The following NKAIN2 variants were observed in gnomAD, a reference collection of about 807,000 sequenced individuals.
NKAIN2 encodes the protein sodium/potassium-transporting ATPase subunit beta-1-interacting protein 2.
In NKAIN2, 14 loss-of-function variants were observed where a neutral mutation model predicts 32.6. The observed-to-expected ratio is 0.43, with a 90% CI of 0.28 to 0.67. NKAIN2 has a LOEUF of 0.67. NKAIN2 is among the 30% of genes least tolerant of loss of function. The pLI is 0.17. For missense variants in NKAIN2, 198 were observed against 258.3 expected (o/e 0.77, Z 1.60); for synonymous variants, 80 against 87.2 (o/e 0.92, Z 0.46).
rs1353950510 is a variant in NKAIN2, at chr6:123,921,816, C to T, written c.54+117562C>T. On this transcript the variant is annotated intron_variant, in intron 1 of 6. Coordinates refer to ENST00000368417, the MANE Select transcript of NKAIN2 (RefSeq NM_001040214.3). The stretch of plus-strand genomic sequence containing the variant: ...ATTATTTTGTGTTTTAAAAATTTGC[C>T]GCTACTCAGGAGGCTGAGGCAGGAG... Among the ~76,000 whole-genome samples, 5 of 151,802 alleles carry T rather than the reference C, an allele frequency of 3.3e-5. 1 individual carries two copies. Among genetic ancestry groups the T allele is most frequent in the Non-Finnish European group, 7.4e-5 (5 of 67,960 alleles).
chr6:124,541,660 T>A lies in NKAIN2; in HGVS notation c.274-116526T>A, dbSNP rs1037337382. ...CATCCTCAATTAGGGAAAGATTAGG[T>A]CATGTTTTTAAAACACCCACCAATA... On this transcript the variant is annotated intron_variant, in intron 3 of 6. Transcript: ENST00000368417. Among the ~76,000 whole-genome samples, 3 of 152,122 alleles carry A rather than the reference T, an allele frequency of 2.0e-5. No homozygotes were observed. In the South Asian group the frequency reaches 6.2e-4, roughly 32 times the overall value.
intron 1 of NKAIN2, among the ~76,000 whole-genome samples, chr6:124,197,093 A>G (rs970181698): frequency 6.6e-6 from 1 of 151,436 alleles, no homozygotes; most frequent in Non-Finnish European, 1.5e-5. Flanking sequence ...ATATATATTT[A>G]TATAGTTTTT....
chr6:124,214,086 C>G (rs1435392475), intron 1 of NKAIN2, among the ~76,000 whole-genome samples: 2 of 152,112 alleles, frequency 1.3e-5, no homozygotes, highest in Non-Finnish European at 2.9e-5. Flanking sequence ...TCAATGTAGA[C>G]AATAGACAAA....
chr6:124,821,043 C>G (rs568216402), intron 6 of NKAIN2, among the ~76,000 whole-genome samples: 1 of 152,218 alleles, frequency 6.6e-6, no homozygotes, highest in South Asian at 2.1e-4. Flanking sequence ...GCCTGTAATC[C>G]TAGCACTTTG....
chr6:124,541,383 A>G (rs1468412697), intron 3 of NKAIN2, among the ~76,000 whole-genome samples: 1 of 152,172 alleles, frequency 6.6e-6, no homozygotes, highest in Non-Finnish European at 1.5e-5. Context: ...TACAACAAAA[A>G]GGATAATAGC....
intron 1 of NKAIN2, among the ~76,000 whole-genome samples, chr6:123,858,577 G>A (rs2114973033): frequency 6.6e-6 from 1 of 152,314 alleles, no homozygotes; most frequent in Middle Eastern, 3.4e-3. Context: ...CATTAAAGCA[G>A]AAAGTACTGC....
intron 1 of NKAIN2, among the ~76,000 whole-genome samples, chr6:123,907,888 G>A (rs2114441616): frequency 6.6e-6 from 1 of 152,226 alleles, no homozygotes; most frequent in African/African-American, 2.4e-5. Flanking sequence ...TCTTTCTCGT[G>A]TTTCATAGGA....
chr6:124,444,794 G>T (rs761448878), intron 3 of NKAIN2, among the ~76,000 whole-genome samples: 1 of 151,856 alleles, frequency 6.6e-6, no homozygotes, highest in Non-Finnish European at 1.5e-5. Context: ...CTCATTGAGA[G>T]AAATGTCTGA....
At chr6:123,852,724 T>C (rs1374639669) in intron 1 of NKAIN2, among the ~76,000 whole-genome samples, 3 of 152,204 alleles carry the variant, frequency 2.0e-5, no homozygotes, top group Non-Finnish European at 2.9e-5. Flanking sequence ...GAGAACATTA[T>C]GTTATGTAAA....
chr6:123,865,637 C>T (rs938704170), intron 1 of NKAIN2, among the ~76,000 whole-genome samples: 1 of 152,038 alleles, frequency 6.6e-6, no homozygotes, highest in Non-Finnish European at 1.5e-5. Flanking sequence ...TTAAAAATAA[C>T]ATATCAATAT....
At chr6:123,952,019 A>T (rs192659063) in intron 1 of NKAIN2, among the ~76,000 whole-genome samples, 6 of 151,530 alleles carry the variant, frequency 4.0e-5, no homozygotes, top group Admixed American at 3.9e-4. Flanking sequence ...TGTTTTCATG[A>T]TGGTACATAT....
intron 1 of NKAIN2, among the ~76,000 whole-genome samples, chr6:123,996,126 T>C (rs750554161): frequency 1.3e-5 from 2 of 152,100 alleles, no homozygotes; most frequent in South Asian, 2.1e-4. Context: ...AACAGTAATG[T>C]TAATATAAAG....
chr6:124,085,861 A>G (rs1213812769), intron 1 of NKAIN2, among the ~76,000 whole-genome samples: 3 of 151,952 alleles, frequency 2.0e-5, no homozygotes, highest in Non-Finnish European at 4.4e-5. Context: ...CAGTAATTTT[A>G]GAAATCTCTT....
At chr6:123,910,531 G>T (rs1775125785) in intron 1 of NKAIN2, among the ~76,000 whole-genome samples, 2 of 131,134 alleles carry the variant, frequency 1.5e-5, no homozygotes, top group African/African-American at 7.0e-5. Flanking sequence ...TTGAGATGGG[G>T]TCTCGCTCTT....
At chr6:124,358,905 G>C (rs1178384956) in intron 3 of NKAIN2, among the ~76,000 whole-genome samples, 1 of 150,566 alleles carries the variant, frequency 6.6e-6, no homozygotes, top group Non-Finnish European at 1.5e-5. Flanking sequence ...TATGGTTTTA[G>C]GTCTAACATT....
chr6:124,725,492 CT>C (rs1776234882), intron 4 of NKAIN2, among the ~76,000 whole-genome samples: 1 of 152,120 alleles, frequency 6.6e-6, no homozygotes, highest in African/African-American at 2.4e-5. Flanking sequence ...AACTAAAGAT[CT>C]TTTAGAGAAA....
At chr6:123,877,926 T>A (rs1773243978) in intron 1 of NKAIN2, among the ~76,000 whole-genome samples, 1 of 152,210 alleles carries the variant, frequency 6.6e-6, no homozygotes, top group Non-Finnish European at 1.5e-5. Context: ...AATTTTAGCT[T>A]TTAATAAATT....
At chr6:123,993,870 A>ATTTCTATTGC (rs1396520145) in intron 1 of NKAIN2, among the ~76,000 whole-genome samples, 1 of 152,184 alleles carries the variant, frequency 6.6e-6, no homozygotes, top group African/African-American at 2.4e-5. Flanking sequence ...TCCATTTCCA[A>ATTTCTATTGC]TAGAACCATG....
intron 1 of NKAIN2, among the ~76,000 whole-genome samples, chr6:124,048,756 G>A (rs1782261646): frequency 6.6e-6 from 1 of 151,936 alleles, no homozygotes; most frequent in South Asian, 2.1e-4. Flanking sequence ...AATTTCACCT[G>A]TCAACAGAAA....
Sources: allele counts gnomAD v4.1 joint callset (sites outside exome capture counted in the v4.1 genomes callset), GRCh38; gene constraint gnomAD v4.1.1; transcripts MANE v1.5; gene names NCBI Gene and HGNC (gene_info 2026-07-23, HGNC 2026-07-21).